The following CTNNA1 variants were observed in gnomAD, a reference collection of about 807,000 sequenced individuals.
CTNNA1 encodes catenin alpha-1.
In CTNNA1, 37 loss-of-function variants were observed where a neutral mutation model predicts 98.4. That is an observed-to-expected ratio of 0.38 (90% CI 0.29 to 0.49). The LOEUF is 0.49. Among genes scored for constraint, CTNNA1 ranks in the 20% least tolerant of loss-of-function variants. CTNNA1 has a pLI of 0.95. For missense variants in CTNNA1, 761 were observed against 1,147.2 expected (o/e 0.66, Z 4.86); for synonymous variants, 404 against 413.2 (o/e 0.98, Z 0.27).
intron 17 of CTNNA1, among the ~76,000 whole-genome samples, chr5:138,933,250 G>A (rs540161052): frequency 6.6e-6 from 1 of 152,140 alleles, no homozygotes; most frequent in Non-Finnish European, 1.5e-5. Context: ...GAGTGCTTGG[G>A]TAGCGTCTCT....
At chr5:138,842,226 G>C (rs1363626673) in intron 7 of CTNNA1, among the ~76,000 whole-genome samples, 1 of 152,150 alleles carries the variant, frequency 6.6e-6, no homozygotes, top group East Asian at 1.9e-4. Context: ...CCTGAGCCCG[G>C]GAAGTTGAGG....
chr5:138,837,644 AG>A (rs1761923009), intron 7 of CTNNA1, among the ~76,000 whole-genome samples: 1 of 149,808 alleles, frequency 6.7e-6, no homozygotes, highest in Non-Finnish European at 1.5e-5. Flanking sequence ...GTTTTGAGAC[AG>A]GGTCTTATTC....
intron 10 of CTNNA1, among the ~76,000 whole-genome samples, chr5:138,914,143 C>G (rs1172943134): frequency 6.6e-6 from 1 of 152,166 alleles, no homozygotes; most frequent in East Asian, 1.9e-4. Flanking sequence ...GGTGCTTCCC[C>G]TCATTATACT....
At chr5:138,930,795 C>G (rs1765133668) in intron 15 of CTNNA1, 35 bp from the exon 16 acceptor site, 1 of 1,539,550 alleles carries the variant, frequency 6.5e-7, no homozygotes, top group South Asian at 1.1e-5. Context: ...AGGGGCTTCA[C>G]ATACAATAAT....
In CTNNA1 at chr5:138,874,982, T is replaced by C. The variant is rs527397265; in HGVS notation, c.1063-11230T>C. 126 of 1,551,164 alleles carry C rather than the reference T, an allele frequency of 8.1e-5. 2 individuals carry two copies. The South Asian group carries it at 1.3e-3, about 17-fold the overall frequency. On this transcript the variant is annotated intron_variant, in intron 7 of 17. Transcript: ENST00000302763. This position sits in a 1 kb window ranked among gnomAD's most constrained non-coding sequence, Gnocchi z 4.1. The stretch of plus-strand genomic sequence containing the variant: ...TCAACGCAGTGAGTCTGTAAAAGGC[T>C]CTAACATGTAGGAGCCTTTGACCAG...
intron 7 of CTNNA1, among the ~76,000 whole-genome samples, chr5:138,838,518 T>C (rs1430587999): frequency 1.3e-5 from 2 of 152,092 alleles, no homozygotes; most frequent in African/African-American, 4.8e-5. Flanking sequence ...AATCCAGCTT[T>C]GGGTTTCATT....
At chr5:138,890,692 G>T (rs1056023417) in intron 9 of CTNNA1, among the ~76,000 whole-genome samples, 1 of 152,130 alleles carries the variant, frequency 6.6e-6, no homozygotes, top group Non-Finnish European at 1.5e-5. Context: ...CATTATGGAG[G>T]CATGATGATC....
intron 3 of CTNNA1, chr5:138,790,997 C>A (rs1756292595): frequency 6.6e-6 from 1 of 152,196 alleles, no homozygotes; most frequent in Admixed American, 6.5e-5. Flanking sequence ...TTTATAGTGA[C>A]AACTATACAT....
intron 7 of CTNNA1, among the ~76,000 whole-genome samples, chr5:138,865,231 G>A (rs1442123698): frequency 6.6e-6 from 1 of 152,212 alleles, no homozygotes; most frequent in Non-Finnish European, 1.5e-5. Context: ...CCAGGGATGT[G>A]ATAAAGAGGA....
At chr5:138,836,239 C>T (rs775019433) in intron 7 of CTNNA1, among the ~76,000 whole-genome samples, 5 of 152,180 alleles carry the variant, frequency 3.3e-5, no homozygotes, top group Non-Finnish European at 5.9e-5. Flanking sequence ...GGTAACCCAC[C>T]TTTCTACTCT....
At chr5:138,790,877 A>G (rs1756279960) in intron 3 of CTNNA1, 1 of 152,246 alleles carries the variant, frequency 6.6e-6, no homozygotes, top group East Asian at 1.9e-4. Context: ...CTATCGTACC[A>G]CTAACCACAG....
At chr5:138,819,851 C>T (rs933542569) in intron 5 of CTNNA1, among the ~76,000 whole-genome samples, 8 of 4,856 alleles carry the variant, frequency 1.6e-3, no homozygotes, top group Admixed American at 0.013. Flanking sequence ...ATTGGATTGG[C>T]GGGGGGCGGG....
intron 3 of CTNNA1, among the ~76,000 whole-genome samples, chr5:138,788,590 A>G (rs1334699636): frequency 6.6e-6 from 1 of 152,130 alleles, no homozygotes; most frequent in East Asian, 1.9e-4. Flanking sequence ...GACATTCCCC[A>G]TACATGTACA....
intron 7 of CTNNA1, chr5:138,870,121 T>C (rs1054512276): frequency 1.3e-5 from 2 of 152,096 alleles, no homozygotes; most frequent in African/African-American, 4.8e-5. Flanking sequence ...ATGGAGTGGG[T>C]AGTGGTGGTG....
At chr5:138,877,658 A>G (rs1187416476) in intron 7 of CTNNA1, among the ~76,000 whole-genome samples, 2 of 152,006 alleles carry the variant, frequency 1.3e-5, no homozygotes, top group Non-Finnish European at 2.9e-5. Flanking sequence ...CTTGTTAGCC[A>G]GGATGGTCTC....
chr5:138,925,532 T>G (rs1485725765), intron 13 of CTNNA1, 125 bp downstream of exon 13: 2 of 1,326,798 alleles, frequency 1.5e-6, no homozygotes, highest in African/African-American at 1.5e-5. Flanking sequence ...ATCTAAAAGC[T>G]GTTAGAATGA....
At chr5:138,783,149 A>G in intron 2 of CTNNA1, 28 bp from the exon 3 acceptor site, 1 of 1,527,654 alleles carries the variant, frequency 6.5e-7, no homozygotes, top group Non-Finnish European at 8.9e-7. Flanking sequence ...AATTGACTCC[A>G]GTTTAATGTT....
intron 9 of CTNNA1, among the ~76,000 whole-genome samples, chr5:138,892,744 C>T (rs893206503): frequency 6.6e-5 from 10 of 151,894 alleles, no homozygotes; most frequent in South Asian, 2.1e-4. Context: ...AGGCTGAGTG[C>T]GGTGGATCAT....
intron 7 of CTNNA1, among the ~76,000 whole-genome samples, chr5:138,844,006 G>C (rs1443051960): frequency 6.6e-6 from 1 of 152,092 alleles, no homozygotes; most frequent in African/African-American, 2.4e-5. Context: ...GCATTCCATT[G>C]TGCAATTCTT....
Sources: allele counts gnomAD v4.1 joint callset (sites outside exome capture counted in the v4.1 genomes callset), GRCh38; gene constraint gnomAD v4.1.1; non-coding constraint Gnocchi (gnomAD v3.1); transcripts MANE v1.5; gene names NCBI Gene and HGNC (gene_info 2026-07-23, HGNC 2026-07-21).